AGMO: variants seen among roughly 807,000 people sequenced by gnomAD.
AGMO encodes glyceryl-ether monooxygenase.
In AGMO, 75 loss-of-function variants were observed where a neutral mutation model predicts 60.2. The ratio of observed to expected loss-of-function variants is 1.25; its 90% CI spans 1.03 to 1.51. AGMO has a LOEUF of 1.51. AGMO is among the 40% of genes most tolerant of loss of function. The pLI is 0.00. For synonymous variants in AGMO, 261 were observed against 177.1 expected, an observed-to-expected ratio of 1.47 and a Z score of -3.76; for missense variants, 763 against 525.5, an observed-to-expected ratio of 1.45 and a Z score of -4.42.
downstream of AGMO, among the ~76,000 whole-genome samples, chr7:15,199,824 A>C (rs1484524300): frequency 1.3e-5 from 2 of 152,214 alleles, no homozygotes; most frequent in Admixed American, 1.3e-4. Context: ...AAGCAAAGCC[A>C]AACCCACTTC....
chr7:15,320,505 T>G (rs978242505), intron 12 of AGMO, among the ~76,000 whole-genome samples: 3 of 152,104 alleles, frequency 2.0e-5, no homozygotes, highest in African/African-American at 7.2e-5. Flanking sequence ...AAAGAACTTT[T>G]GATATCTCAA....
At chr7:15,365,117 A>C (rs1169111478) in intron 12 of AGMO, among the ~76,000 whole-genome samples, 2 of 152,010 alleles carry the variant, frequency 1.3e-5, no homozygotes, top group African/African-American at 2.4e-5. Flanking sequence ...GTAATTGACA[A>C]GGAAACTTGA....
At chr7:15,251,251 G>T (rs539817413) in intron 12 of AGMO, among the ~76,000 whole-genome samples, 1 of 152,008 alleles carries the variant, frequency 6.6e-6, no homozygotes, top group Non-Finnish European at 1.5e-5. Flanking sequence ...ACCAATATGA[G>T]CCAATTAGAT....
intron 12 of AGMO, among the ~76,000 whole-genome samples, chr7:15,237,733 T>C (rs1026711885): frequency 6.6e-6 from 1 of 152,098 alleles, no homozygotes; most frequent in African/African-American, 2.4e-5. Flanking sequence ...AACACAGTCT[T>C]AACGTTCACC....
chr7:15,150,192 T>A, the AGMO span, among the ~76,000 whole-genome samples: 2 of 152,064 alleles, frequency 1.3e-5, no homozygotes, highest in Non-Finnish European at 2.9e-5. Context: ...TTTTCAGTTG[T>A]AGGAGCCTTT....
chr7:15,164,630 C>T, the AGMO span, among the ~76,000 whole-genome samples: 5 of 151,868 alleles, frequency 3.3e-5, no homozygotes, highest in African/African-American at 1.2e-4. Context: ...AATGCTCATC[C>T]TCACTAATTT....
intron 5 of AGMO, among the ~76,000 whole-genome samples, chr7:15,415,966 A>G (rs1009514099): frequency 6.6e-6 from 1 of 151,982 alleles, no homozygotes; most frequent in Non-Finnish European, 1.5e-5. Flanking sequence ...CAAATGTTTC[A>G]TAACTTTCAA....
intron 3 of AGMO, among the ~76,000 whole-genome samples, chr7:15,515,648 A>G (rs982618890): frequency 2.9e-4 from 44 of 152,356 alleles, no homozygotes; most frequent in African/African-American, 1.0e-3. Flanking sequence ...TCATGCTCCA[A>G]TAGCCTTCTC....
At chr7:15,445,773 T>A (rs1781683190) in intron 3 of AGMO, among the ~76,000 whole-genome samples, 1 of 152,144 alleles carries the variant, frequency 6.6e-6, no homozygotes, top group African/African-American at 2.4e-5. Flanking sequence ...CATGTAGGGA[T>A]GTTCATATGG....
chr7:15,559,801 C>T (rs1210483802), intron 2 of AGMO, among the ~76,000 whole-genome samples: 2 of 151,924 alleles, frequency 1.3e-5, no homozygotes, highest in African/African-American at 4.8e-5. Flanking sequence ...AATGGCTACA[C>T]CCGAGACAGC....
chr7:15,323,383 T>A (rs1425537522), intron 12 of AGMO, among the ~76,000 whole-genome samples: 1 of 152,028 alleles, frequency 6.6e-6, no homozygotes, highest in African/African-American at 2.4e-5. Flanking sequence ...AAGAAAAAAA[T>A]AACCAGCATA....
At chr7:15,524,562 T>C (rs1401081619) in intron 3 of AGMO, among the ~76,000 whole-genome samples, 1 of 152,166 alleles carries the variant, frequency 6.6e-6, no homozygotes, top group African/African-American at 2.4e-5. Context: ...ACCATATTTT[T>C]CTAGAAACAG....
chr7:15,140,971 C>A, the AGMO span, among the ~76,000 whole-genome samples: 1 of 152,070 alleles, frequency 6.6e-6, no homozygotes, highest in African/African-American at 2.4e-5. Flanking sequence ...ATTTAGTTGA[C>A]CTTAGTCAAC....
intron 12 of AGMO, among the ~76,000 whole-genome samples, chr7:15,360,621 G>A (rs920366980): frequency 2.0e-5 from 3 of 152,190 alleles, no homozygotes; most frequent in Non-Finnish European, 4.4e-5. Context: ...TGCTATCTCA[G>A]GAGTGGCAGA....
intron 10 of AGMO, among the ~76,000 whole-genome samples, chr7:15,377,788 A>G (rs982580376): frequency 6.6e-6 from 1 of 152,028 alleles, no homozygotes; most frequent in Non-Finnish European, 1.5e-5. Context: ...TATTAAGTTA[A>G]TATATTAAAC....
At chr7:15,256,310 C>G (rs1038519483) in intron 12 of AGMO, among the ~76,000 whole-genome samples, 1 of 152,184 alleles carries the variant, frequency 6.6e-6, no homozygotes, top group Non-Finnish European at 1.5e-5. Context: ...CGGTGGTGGT[C>G]CAATAAATTG....
At chr7:15,531,023 TATTCC>T (rs1784306893) in intron 3 of AGMO, among the ~76,000 whole-genome samples, 2 of 46,590 alleles carry the variant, frequency 4.3e-5, no homozygotes, top group Non-Finnish European at 8.0e-5. Flanking sequence ...ATATTCTATA[TATTCC>T]ATATATATTC....
rs1170727660 is a variant in AGMO, at chr7:15,385,489, G to T, written c.1031C>A (p.Ala344Asp). Reference protein sequence around the residue: ...LLKIYTVVQFALMLAFYEETF... With the variant: ...LLKIYTVVQFDLMLAFYEETF... Reference sequence around the variant, plus strand: ...CTCTTCATAAAATGCCAACATCAGAGCAAACTGTACAACTGTATATATCTT... The same window carrying T: ...CTCTTCATAAAATGCCAACATCAGATCAAACTGTACAACTGTATATATCTT... Residue 344 changes from alanine (A) to aspartate (D), a missense_variant, in exon 10 of 13, where the codon GCT (alanine) becomes GAT (aspartate). Ala to Asp is a moderately radical substitution (Grantham distance 126). Coordinates refer to ENST00000342526, the MANE Select transcript of AGMO (RefSeq NM_001004320.2). 1 of 1,612,726 alleles carries T rather than the reference G, an allele frequency of 6.2e-7. No individual in the cohort carries two copies. The highest frequency in any genetic ancestry group is 8.5e-7 in the Non-Finnish European group (1 of 1,179,154).
chr7:15,232,711 G>A (rs1193716477), intron 12 of AGMO, among the ~76,000 whole-genome samples: 1 of 151,460 alleles, frequency 6.6e-6, no homozygotes, highest in Non-Finnish European at 1.5e-5. Flanking sequence ...CAACAAAATT[G>A]CCTCAATTAC....
Sources: allele counts gnomAD v4.1 joint callset (sites outside exome capture counted in the v4.1 genomes callset), GRCh38; gene constraint gnomAD v4.1.1; transcripts MANE v1.5; gene names NCBI Gene and HGNC (gene_info 2026-07-23, HGNC 2026-07-21).